The following C13orf46 variants were observed in gnomAD, a reference collection of about 807,000 sequenced individuals.
C13orf46 encodes the protein uncharacterized protein C13orf46.
chr13:113,938,457 C>T, the C13orf46 span, among the ~76,000 whole-genome samples: 1 of 152,200 alleles, frequency 6.6e-6, no homozygotes, highest in Non-Finnish European at 1.5e-5. Flanking sequence ...CATCTTCAAA[C>T]CCAGCATCTT....
chr13:113,961,858 G>A (rs1175646643), intron 6 of C13orf46, among the ~76,000 whole-genome samples: 14 of 151,812 alleles, frequency 9.2e-5, no homozygotes, highest in African/African-American at 3.4e-4. Context: ...GCTATAAAGT[G>A]TGCAGTGCTC....
At chr13:113,947,216 G>T in the C13orf46 span, among the ~76,000 whole-genome samples, 9 of 152,212 alleles carry the variant, frequency 5.9e-5, no homozygotes, top group Non-Finnish European at 1.2e-4. Flanking sequence ...AATGCTGCTG[G>T]AATCTTCCAC....
At chr13:113,963,136 G>A (rs1040769630) in intron 6 of C13orf46, among the ~76,000 whole-genome samples, 8 of 152,162 alleles carry the variant, frequency 5.3e-5, no homozygotes, top group East Asian at 1.9e-4. Context: ...CAAGGATGCC[G>A]CTTGGCAGGT....
chr13:113,971,761 G>A (rs1054118132), intron 1 of C13orf46, among the ~76,000 whole-genome samples: 1 of 152,200 alleles, frequency 6.6e-6, no homozygotes, highest in African/African-American at 2.4e-5. Context: ...CCAAGTCTGC[G>A]AGGGGTGAGG....
At chr13:113,952,344 G>T (rs1004151297), downstream of C13orf46, among the ~76,000 whole-genome samples, 152 of 115,212 alleles carry the variant, frequency 1.3e-3, no homozygotes, top group African/African-American at 4.0e-3. Context: ...CTGTGTGGCC[G>T]CCGCTCCCGC....
chr13:113,963,049 T>C (rs970584360), intron 6 of C13orf46, among the ~76,000 whole-genome samples: 8 of 152,158 alleles, frequency 5.3e-5, no homozygotes, highest in African/African-American at 1.4e-4. Context: ...AGGGCTGTCA[T>C]CATCACAGCA....
intron 1 of C13orf46, among the ~76,000 whole-genome samples, chr13:113,971,253 T>C (rs1283415620): frequency 6.6e-6 from 1 of 152,142 alleles, no homozygotes; most frequent in African/African-American, 2.4e-5. Flanking sequence ...AAATGATGCT[T>C]GTGATGGAAG....
rs973109853 is a variant in C13orf46 at position 113,957,121 on chromosome 13, C to A, written c.573-282G>T. Among the ~76,000 whole-genome samples, 12 of 150,912 alleles carry A rather than the reference C, an allele frequency of 8.0e-5. No individual in the cohort carries two copies. In the East Asian group the frequency reaches 1.4e-3, roughly 18 times the overall value. ...CTCCCCTGCACCTGCATATGCATCC[C>A]CTTTTATCAAGCACACTGGGGGGTC... On this transcript the variant is annotated intron_variant, in intron 6 of 6. Coordinates refer to ENST00000636427, the MANE Select transcript of C13orf46 (RefSeq NM_001365455.2).
chr13:113,954,256 A>G lies in C13orf46; in HGVS notation c.*2517T>C, dbSNP rs1246180046. The G allele has an allele frequency of 6.6e-6, 1 of 152,192 alleles. No individual in the cohort carries two copies. Among genetic ancestry groups the G allele is most frequent in the African/African-American group, 2.4e-5 (1 of 41,402 alleles). 9.4% of individuals were successfully genotyped at this position (152,192 alleles called of 1,614,324 possible). On this transcript the variant is annotated 3_prime_UTR_variant, in exon 7 of 7. Transcript: ENST00000636427. ...TGTGGCCTCTGACTGCCTTAGAGAC[A>G]CCCGGATCAGAGATGCTGCAGGTCA...
At chr13:113,935,264 A>AG in the C13orf46 span, among the ~76,000 whole-genome samples, 2 of 152,202 alleles carry the variant, frequency 1.3e-5, no homozygotes, top group African/African-American at 4.8e-5. Context: ...TCAGCTCCTC[A>AG]GGGAGAGGTG....
the C13orf46 span, among the ~76,000 whole-genome samples, chr13:113,939,648 G>A: frequency 3.9e-5 from 6 of 152,162 alleles, no homozygotes; most frequent in Non-Finnish European, 7.4e-5. Flanking sequence ...GTTCTTAGCC[G>A]TGAAATGGGC....
the C13orf46 span, among the ~76,000 whole-genome samples, chr13:113,931,168 C>T: frequency 3.9e-5 from 6 of 152,268 alleles, no homozygotes; most frequent in African/African-American, 9.6e-5. Flanking sequence ...CCAGGGTTCC[C>T]TCCCGGCCCC....
chr13:113,934,801 C>T, the C13orf46 span, among the ~76,000 whole-genome samples: 3 of 152,228 alleles, frequency 2.0e-5, no homozygotes, highest in South Asian at 2.1e-4. Flanking sequence ...ACGGGAACTC[C>T]GCCAGCACCT....
chr13:113,956,042 AGAG>A lies in C13orf46; in HGVS notation c.*728_*730del, dbSNP rs1373454041. The A allele has an allele frequency of 3.6e-4, 53 of 148,576 alleles. No individual in the cohort carries two copies. The highest frequency in any genetic ancestry group is 6.5e-4 in the Non-Finnish European group (46 of 71,282). The allele number at this position is 148,576 out of a possible 1,614,324, so 9.2% of individuals were successfully genotyped here. A position where few individuals can be genotyped will look rare whatever the true frequency, so the allele number is the denominator to read the frequency against. On this transcript the variant is annotated 3_prime_UTR_variant, in exon 7 of 7. Transcript: ENST00000636427. ...GGAGAGGAGGAGTAGGATCTGGCAG[AGAG>A]GAGTAGGATCTGGCGGAGAGGAGGA...
At chr13:113,939,097 G>A in the C13orf46 span, among the ~76,000 whole-genome samples, 9 of 152,264 alleles carry the variant, frequency 5.9e-5, 1 homozygote, top group Admixed American at 5.2e-4. Context: ...AATTCAGGTC[G>A]GACTCATCTC....
chr13:113,961,358 TG>T (rs2052585145), intron 6 of C13orf46, among the ~76,000 whole-genome samples: 1 of 151,912 alleles, frequency 6.6e-6, no homozygotes, highest in Non-Finnish European at 1.5e-5. Context: ...TGTATGGGCA[TG>T]TTATCCGTGT....
chr13:113,942,752 C>T, the C13orf46 span, among the ~76,000 whole-genome samples: 1 of 152,212 alleles, frequency 6.6e-6, no homozygotes, highest in African/African-American at 2.4e-5. Context: ...CAGCGGGCTC[C>T]AGGCAGCGGA....
intron 6 of C13orf46, among the ~76,000 whole-genome samples, chr13:113,963,022 G>A (rs1470011816): frequency 6.6e-6 from 1 of 152,204 alleles, no homozygotes; most frequent in African/African-American, 2.4e-5. Flanking sequence ...AAAAATCTGA[G>A]AGCAGGTAGC....
At chr13:113,929,507 G>A in the C13orf46 span, among the ~76,000 whole-genome samples, 2 of 152,352 alleles carry the variant, frequency 1.3e-5, no homozygotes, top group South Asian at 2.1e-4. Flanking sequence ...TCGACTGTCC[G>A]AGTGTGTTCA....
Sources: allele counts gnomAD v4.1 joint callset (sites outside exome capture counted in the v4.1 genomes callset), GRCh38; gene constraint gnomAD v4.1.1; transcripts MANE v1.5; gene names NCBI Gene and HGNC (gene_info 2026-07-23, HGNC 2026-07-21).